The following ZNF443 variants were observed in gnomAD, a reference collection of about 807,000 sequenced individuals.
The protein encoded by ZNF443 is Kruppel-type zinc finger (C2H2).
A neutral mutation model predicts 12.0 loss-of-function variants in ZNF443; 3 were observed. The ratio of observed to expected loss-of-function variants is 0.25; its 90% CI spans 0.11 to 0.64. The LOEUF (loss-of-function observed/expected upper bound fraction) is 0.64, where lower values mean the gene tolerates loss of function less well. Ranked by LOEUF, ZNF443 falls within the 30% of genes least tolerant of loss-of-function variation. The pLI is 0.84. For synonymous variants in ZNF443, 225 were observed against 265.9 expected, an observed-to-expected ratio of 0.85 and a Z score of 1.50; for missense variants, 770 against 808.8, an observed-to-expected ratio of 0.95 and a Z score of 0.58.
chr19:12,434,878 C>T (rs1375679080), intron 1 of ZNF443, among the ~76,000 whole-genome samples: 2 of 151,798 alleles, frequency 1.3e-5, no homozygotes, highest in Non-Finnish European at 2.9e-5. Flanking sequence ...GCAGATCAGA[C>T]CTTATTTGCA....
rs1970243599 is a variant in ZNF443 at position 12,430,829 on chromosome 19, G to T, written c.1343C>A (p.Pro448His). The change falls in exon 4 of 4, where the codon CCC becomes CAC. Residue 448 changes from proline to histidine, a missense_variant. Physicochemically the swap from Pro to His is moderately conservative, Grantham distance 77 (BLOSUM62 -2). Around this residue, in one of 3 missense-constraint regions of ZNF443, gnomAD observed 736 missense variants for 689.4 expected, o/e 1.07. Transcript: ENST00000301547. ...RHERTHTAEKPYKCKQCGKAY... is the reference protein window; with the variant it reads ...RHERTHTAEKHYKCKQCGKAY... ...TTTGCCACATTGTTTACATTTATAG[G>T]GTTTCTCTGCAGTGTGAGTCCTTTC... 1.5e-5 allele frequency: 25 copies of T among 1,614,080 alleles called. No homozygotes were observed. Among genetic ancestry groups the T allele is most frequent in the Non-Finnish European group, 2.1e-5 (25 of 1,179,964 alleles).
Position 12,431,866 on chromosome 19 carries a change from A to T in ZNF443, c.306T>A (p.Pro102=), listed in dbSNP as rs1141176. Residue 102 remains proline (P), a synonymous_variant, in exon 4 of 4, where the codon CCT becomes CCA. Transcript: ENST00000301547. ...TTTCTCCTCTCATACTGCTTTCACA[A>T]GGACCTACTCCAGGAAGAGTGTTCT... ...VTKNTLPGVG[P]CESSMRGEKV... 3 of 1,614,154 alleles carry T rather than the reference A, an allele frequency of 1.9e-6. No homozygotes were observed. In the Admixed American group the frequency reaches 5.0e-5, roughly 27 times the overall value.
intron 1 of ZNF443, among the ~76,000 whole-genome samples, chr19:12,440,135 G>A (rs1970349904): frequency 6.6e-6 from 1 of 152,018 alleles, no homozygotes; most frequent in Non-Finnish European, 1.5e-5. Context: ...ATTCCACCTG[G>A]TGACTCGTCG....
intron 1 of ZNF443, among the ~76,000 whole-genome samples, chr19:12,435,590 T>C (rs553207115): frequency 9.8e-5 from 15 of 152,296 alleles, no homozygotes; most frequent in Non-Finnish European, 1.9e-4. Flanking sequence ...GGCTGATCTG[T>C]AGCTTTAAGT....
Position 12,431,148 on chromosome 19 carries a change from A to G in ZNF443, c.1024T>C (p.Cys342Arg), listed in dbSNP as rs1970248492. 2 of 1,613,964 alleles carry G rather than the reference A, an allele frequency of 1.2e-6. No individual in the cohort carries two copies. Among genetic ancestry groups the G allele is most frequent in the Middle Eastern group, 1.6e-4 (1 of 6,062 alleles). ...CCCAGATGATGAAACGCTTTCCCAC[A>G]TTGCTGACATGCATAGGGTTTCTCT... ...SAEKPYACQQCGKAFHHLGSF... is the reference protein window; with the variant it reads ...SAEKPYACQQRGKAFHHLGSF... Residue 342 changes from cysteine to arginine, a missense_variant, in exon 4 of 4, where the codon TGT becomes CGT. Physicochemically the swap from Cys to Arg is radical, Grantham distance 180. Around this residue, in one of 3 missense-constraint regions of ZNF443, gnomAD observed 736 missense variants for 689.4 expected, o/e 1.07. Coordinates refer to ENST00000301547, the MANE Select transcript of ZNF443 (RefSeq NM_005815.5).
chr19:12,431,513 G>C lies in ZNF443; in HGVS notation c.659C>G (p.Thr220Ser). Residue 220 changes from threonine to serine, a missense_variant, in exon 4 of 4, where the codon ACT (threonine) becomes AGT (serine). Thr to Ser is a moderately conservative substitution (Grantham distance 58). This residue lies in a region of ZNF443 where 736 missense variants were observed against 689.4 expected (regional missense o/e 1.07). Transcript: ENST00000301547. ...CTTACATTCATATGGTTTCTCTCCAGTGTGCGTTCTTTCATGCATATGTAA... is the reference window on the plus strand; with the variant it reads ...CTTACATTCATATGGTTTCTCTCCACTGTGCGTTCTTTCATGCATATGTAA... The part of the protein sequence containing the change: ...SLLHMHERTH[T>S]GEKPYECKQC... The C allele has an allele frequency of 1.2e-6, 2 of 1,614,126 alleles. No individual in the cohort carries two copies. The highest frequency in any genetic ancestry group is 8.5e-7 in the Non-Finnish European group (1 of 1,179,988).
chr19:12,440,320 G>C (rs1385558402), intron 1 of ZNF443, among the ~76,000 whole-genome samples: 1 of 152,110 alleles, frequency 6.6e-6, no homozygotes, highest in Non-Finnish European at 1.5e-5. Flanking sequence ...CTGGGGATAA[G>C]ATCTCCGAGT....
intron 3 of ZNF443, 135 bp from the exon 4 acceptor site, chr19:12,432,115 T>C: frequency 1.1e-6 from 1 of 893,314 alleles, no homozygotes; most frequent in South Asian, 2.2e-5. Context: ...TGTGAATGGA[T>C]GGAATGCTGT....
chr19:12,435,443 A>C (rs1394932077), intron 1 of ZNF443, among the ~76,000 whole-genome samples: 3 of 152,254 alleles, frequency 2.0e-5, no homozygotes, highest in African/African-American at 7.2e-5. Context: ...AAAAGAGCTG[A>C]AGAGAAAATG....
At chr19:12,437,586 A>G (rs1356837862) in intron 1 of ZNF443, among the ~76,000 whole-genome samples, 3 of 152,156 alleles carry the variant, frequency 2.0e-5, no homozygotes, top group Admixed American at 1.3e-4. Context: ...CATGAATCCA[A>G]GTATATCAAT....
At chr19:12,440,296 C>T (rs1001705562) in intron 1 of ZNF443, among the ~76,000 whole-genome samples, 2 of 151,736 alleles carry the variant, frequency 1.3e-5, no homozygotes, top group African/African-American at 4.8e-5. Context: ...TGACCGCCGG[C>T]TTCCCCATTG....
At chr19:12,440,148 A>G (rs1461121631) in intron 1 of ZNF443, among the ~76,000 whole-genome samples, 1 of 151,794 alleles carries the variant, frequency 6.6e-6, no homozygotes, top group Admixed American at 6.6e-5. Context: ...ACTCGTCGTC[A>G]CCGTGCAGCC....
rs780199654 is a variant in ZNF443, at chr19:12,431,597, C to T, written c.575G>A (p.Arg192His). The change falls in exon 4 of 4, where the codon CGT (arginine) becomes CAT (histidine). Residue 192 changes from arginine to histidine, a missense_variant. Arg to His is a conservative substitution (Grantham distance 29). Transcript: ENST00000301547. ...CTTACATTTATAAGGTCCATCTCCA[C>T]GCTGCACTGCCATGTGTCTTTGAAG... is the stretch of plus-strand genomic sequence containing the variant. ...GNLQRHMAVQ[R>H]GDGPYKCKLC... 47 of 1,614,026 alleles carry T rather than the reference C, an allele frequency of 2.9e-5. 1 individual carries two copies. Among genetic ancestry groups the T allele is most frequent in the Admixed American group, 1.0e-4 (6 of 60,006 alleles).
chr19:12,436,682 C>T (rs1024828432), intron 1 of ZNF443, among the ~76,000 whole-genome samples: 12 of 151,862 alleles, frequency 7.9e-5, no homozygotes, highest in Non-Finnish European at 1.5e-4. Context: ...GTGTACTTGT[C>T]TTGCCAATAA....
intron 1 of ZNF443, among the ~76,000 whole-genome samples, chr19:12,435,046 T>G (rs1237820591): frequency 3.5e-5 from 5 of 143,098 alleles, no homozygotes; most frequent in Non-Finnish European, 7.5e-5. Flanking sequence ...ACGCACAACC[T>G]TGGCTCACTA....
rs1191248159 is a variant in ZNF443 at position 12,431,883 on chromosome 19, G to C, written c.289C>G (p.Leu97Val). ...CTTTCACAAGGACCTACTCCAGGAA[G>C]AGTGTTCTTGGTCACAATACTATCT... Reference protein sequence around the residue: ...IQDSIVTKNTLPGVGPCESSM... With the variant: ...IQDSIVTKNTVPGVGPCESSM... Residue 97 changes from leucine (L) to valine (V), a missense_variant, in exon 4 of 4, where the codon CTT (leucine) becomes GTT (valine). Leu to Val is a conservative substitution (Grantham distance 32). Around this residue, in one of 3 missense-constraint regions of ZNF443, gnomAD observed 736 missense variants for 689.4 expected, o/e 1.07. Transcript: ENST00000301547. 1 of 1,613,966 alleles carries C rather than the reference G, an allele frequency of 6.2e-7. No homozygotes were observed. Among genetic ancestry groups the C allele is most frequent in the East Asian group, 2.2e-5 (1 of 44,894 alleles).
chr19:12,438,967 C>G (rs968072818), intron 1 of ZNF443, among the ~76,000 whole-genome samples: 1 of 152,154 alleles, frequency 6.6e-6, no homozygotes, highest in East Asian at 1.9e-4. Context: ...TTCAAGCTAA[C>G]AAACTCAGGA....
At chr19:12,439,690 G>C (rs529886914) in intron 1 of ZNF443, among the ~76,000 whole-genome samples, 59 of 152,222 alleles carry the variant, frequency 3.9e-4, no homozygotes, top group African/African-American at 1.4e-3. Context: ...ACAAAGTCTT[G>C]CCATGTTGCC....
At position 12,430,386 on chromosome 19, in the gene ZNF443, C is replaced by T; in HGVS notation, c.1786G>A (p.Ala596Thr). 1 of 1,573,544 alleles carries T rather than the reference C, an allele frequency of 6.4e-7. No homozygotes were observed. The highest frequency in any genetic ancestry group is 8.6e-7 in the Non-Finnish European group (1 of 1,159,028). ...TGAAGAAAACGGGAATGAGTGAAGG[C>T]TTTACCACATTGTGGACATTCATAG... Reference protein sequence around the residue: ...KSYECPQCGKAFTHSRFLQGH... With the variant: ...KSYECPQCGKTFTHSRFLQGH... The change falls in exon 4 of 4, where the codon GCC (alanine) becomes ACC (threonine). Residue 596 changes from alanine (A) to threonine (T), a missense_variant. By Grantham distance (58) the Ala-to-Thr change is moderately conservative (BLOSUM62 0). Around this residue, in one of 3 missense-constraint regions of ZNF443, gnomAD observed 736 missense variants for 689.4 expected, o/e 1.07. Coordinates refer to ENST00000301547, the MANE Select transcript of ZNF443 (RefSeq NM_005815.5).
Sources: gnomAD v4.1 joint callset for allele counts (sites outside exome capture counted in the v4.1 genomes callset) on GRCh38, gnomAD v4.1.1 for gene constraint, gnomAD v4.1.1 regional missense constraint, MANE v1.5 for transcripts, NCBI Gene and HGNC (gene_info 2026-07-23, HGNC 2026-07-21) for gene names.